TRMT5: variants seen among roughly 807,000 people sequenced by gnomAD.
TRMT5 encodes tRNA methyltransferase 5, also known as tRNA (guanine(37)-N(1))-methyltransferase.
A neutral mutation model predicts 42.2 loss-of-function variants in TRMT5; 31 were observed. That is an observed-to-expected ratio of 0.73 (90% CI 0.55 to 0.99). The LOEUF (loss-of-function observed/expected upper bound fraction) is 0.99. TRMT5 is among the 50% of genes least tolerant of loss of function. TRMT5 has a pLI of 0.00. For synonymous variants in TRMT5, 198 were observed against 209.6 expected (o/e 0.94, Z 0.48); for missense variants, 568 against 595.0 (o/e 0.95, Z 0.47).
Position 60,975,845 on chromosome 14 carries a change from G to T in TRMT5, c.1074C>A (p.Asp358Glu). Residue 358 changes from aspartate (D) to glutamate (E), a missense_variant, in exon 4 of 5, where the codon GAC (aspartate) becomes GAA (glutamate). By Grantham distance (45) the Asp-to-Glu change is conservative. Coordinates refer to ENST00000261249, the MANE Select transcript of TRMT5 (RefSeq NM_020810.3). Reference protein sequence around the residue: ...KVKVFNLDGKDFLQGPVKEEL... With the variant: ...KVKVFNLDGKEFLQGPVKEEL... ...CTTCTTTGACTGGTCCTTGGAGGAA[G>T]TCTTTCCCATCCAAGTTGAAGACTT... The T allele has an allele frequency of 1.9e-6, 3 of 1,614,212 alleles. No individual in the cohort carries two copies. Among genetic ancestry groups the T allele is most frequent in the Non-Finnish European group, 2.5e-6 (3 of 1,180,046 alleles).
chr14:60,981,631 G>T (rs1345603513), upstream of TRMT5: 4 of 1,456,392 alleles, frequency 2.7e-6, no homozygotes, highest in African/African-American at 1.4e-5. Context: ...ATGCAGCGTT[G>T]AGTGGAAGCT....
intron 2 of TRMT5, among the ~76,000 whole-genome samples, chr14:60,978,324 C>T (rs1292486589): frequency 6.6e-6 from 1 of 152,146 alleles, no homozygotes; most frequent in Non-Finnish European, 1.5e-5. Context: ...AATCAGCACA[C>T]AGTACCCAAT....
rs1397926244 is a variant in TRMT5, at chr14:60,974,450, GC to G, written c.*658del. The G allele has an allele frequency of 3.6e-4, 55 of 152,412 alleles. No homozygotes were observed. Among genetic ancestry groups the G allele is most frequent in the African/African-American group, 1.2e-3 (51 of 41,548 alleles). The allele number at this position is 152,412 out of a possible 1,614,324, so 9.4% of individuals were successfully genotyped here. The stretch of plus-strand genomic sequence containing the variant: ...TCCATATTAAAAACAAAAAACAGCT[GC>G]AGATGATATGTAAACAAATGAGCAT... On this transcript the variant is annotated 3_prime_UTR_variant, in exon 5 of 5. Coordinates refer to ENST00000261249, the MANE Select transcript of TRMT5 (RefSeq NM_020810.3).
Position 60,974,380 on chromosome 14 carries a change from C to G in TRMT5, c.*729G>C, listed in dbSNP as rs1200595648. 2 of 152,286 alleles carry G rather than the reference C, an allele frequency of 1.3e-5. No homozygotes were observed. Among genetic ancestry groups the G allele is most frequent in the South Asian group, 4.1e-4 (2 of 4,830 alleles). The allele number at this position is 152,286 out of a possible 1,614,324, so 9.4% of individuals were successfully genotyped here. A position where few individuals can be genotyped will look rare whatever the true frequency, so the allele number is the denominator to read the frequency against. ...AAAACTGGAATGGTACAGAGAAGATCAGAATGGTCCCTGCGCAAGGATGAC... is the reference window on the plus strand; with the variant it reads ...AAAACTGGAATGGTACAGAGAAGATGAGAATGGTCCCTGCGCAAGGATGAC... On this transcript the variant is annotated 3_prime_UTR_variant, in exon 5 of 5. Transcript: ENST00000261249.
Position 60,979,216 on chromosome 14 carries a change from C to G in TRMT5, c.667+15G>C, listed in dbSNP as rs1566591027. On this transcript the variant is annotated intron_variant, in intron 2 of 4. Transcript: ENST00000261249. ...ATTCCCTTCAAATACATGAATATTA[C>G]TATGACACACGTACCAATTAAATGT... The G allele has an allele frequency of 4.5e-6, 7 of 1,555,896 alleles. No individual in the cohort carries two copies. The South Asian group carries it at 6.1e-5, about 14-fold the overall frequency.
rs34009450 is a variant in TRMT5, at chr14:60,976,129, GA to G, written c.793-4del. ...TAGGTGTAGTTGTTTTCTCGAACCT[GA>G]AAAAAGGTGTTATGCTTTTTGGTTA... On this transcript the variant is annotated splice_region_variant and splice_polypyrimidine_tract_variant and intron_variant, in intron 3 of 4. Coordinates refer to ENST00000261249, the MANE Select transcript of TRMT5 (RefSeq NM_020810.3). The G allele has an allele frequency of 3.1e-6, 5 of 1,594,902 alleles. No individual in the cohort carries two copies. In the African/African-American group the frequency reaches 4.1e-5, roughly 13 times the overall value.
rs747688805 is a variant in TRMT5 at position 60,976,123 on chromosome 14, G to A, written c.796C>T (p.Arg266Ter). 37 of 1,596,532 alleles carry A rather than the reference G, an allele frequency of 2.3e-5. No individual in the cohort carries two copies. The highest frequency in any genetic ancestry group is 3.0e-5 in the Non-Finnish European group (35 of 1,172,584). ...SGEQNMMTKV[R>*]ENNYTYEFDF... is the part of the protein sequence containing the mutation. ...AATTCATAGGTGTAGTTGTTTTCTC[G>A]AACCTGAAAAAAGGTGTTATGCTTT... Residue 266 changes from arginine (R) to a stop codon, truncating the protein, a stop_gained, in exon 4 of 5, where the codon CGA (arginine) becomes TGA (stop). Transcript: ENST00000261249. LOFTEE classifies it high-confidence loss of function.
At chr14:60,980,031 T>C in intron 1 of TRMT5, 145 bp from the exon 2 acceptor site, 2 of 955,048 alleles carry the variant, frequency 2.1e-6, no homozygotes, top group Non-Finnish European at 3.0e-6. Context: ...CAGACTAGGA[T>C]GACTTCTTCA....
chr14:60,975,327 T>G (rs976380598), intron 4 of TRMT5, 133 bp from the exon 5 acceptor site: 23 of 1,305,476 alleles, frequency 1.8e-5, no homozygotes, highest in East Asian at 1.4e-4. Flanking sequence ...GATTTACTAT[T>G]TTAATGAAAT....
intron 1 of TRMT5, 69 bp from the exon 2 acceptor site, chr14:60,979,955 CAAAT>C (rs1264463141): frequency 9.0e-6 from 13 of 1,452,456 alleles, no homozygotes; most frequent in East Asian, 7.0e-5. Context: ...TCTACTATCT[CAAAT>C]AACGGGCTAA....
chr14:60,972,492 G>T lies in TRMT5; in HGVS notation c.*2617C>A. ...GGCGGCGGCGGCGGCGGCGGGATGT[G>T]GGCACCGGGTGTGGGACGCAGCAGC... On this transcript the variant is annotated 3_prime_UTR_variant, in exon 5 of 5. Transcript: ENST00000261249. The T allele has an allele frequency of 2.1e-6, 1 of 470,694 alleles. No individual in the cohort carries two copies. Among genetic ancestry groups the T allele is most frequent in the Non-Finnish European group, 4.2e-6 (1 of 237,130 alleles). The allele number at this position is 470,694 out of a possible 1,614,324, so 29.2% of individuals were successfully genotyped here.
upstream of TRMT5, chr14:60,981,446 A>G (rs759179598): frequency 3.9e-6 from 6 of 1,547,424 alleles, no homozygotes; most frequent in African/African-American, 5.5e-5. Context: ...TGCCTGCCAA[A>G]TAAGACCCAG....
At chr14:60,981,407 C>T (rs112283719), upstream of TRMT5, 1 of 1,564,716 alleles carries the variant, frequency 6.4e-7, no homozygotes. Flanking sequence ...TTCGCTTCCC[C>T]GCGCTGACGC....
rs765776520 is a variant in TRMT5, at chr14:60,980,970, C to G, written c.4G>C (p.Val2Leu). The G allele has an allele frequency of 1.9e-6, 3 of 1,612,344 alleles. No homozygotes were observed. The highest frequency in any genetic ancestry group is 2.2e-5 in the South Asian group (2 of 91,080). The change falls in exon 1 of 5, where the codon GTG becomes CTG. Residue 2 changes from valine (V) to leucine (L), a missense_variant. Physicochemically the swap from Val to Leu is conservative, Grantham distance 32. Transcript: ENST00000261249. ...ACGCGGCCGCCACCTCACCAAAGCACCATTCCAATTCCCCACGTCGCTCTG... is the reference window on the plus strand; with the variant it reads ...ACGCGGCCGCCACCTCACCAAAGCAGCATTCCAATTCCCCACGTCGCTCTG... M[V>L]LWILWRPFGF...
At chr14:60,980,737 G>A in intron 1 of TRMT5, 1 of 643,550 alleles carries the variant, frequency 1.6e-6, no homozygotes. Flanking sequence ...CCAGCTGGGT[G>A]ACCCTGGATA....
rs543063170 is a variant in TRMT5 at position 60,975,896 on chromosome 14, T to A, written c.1023A>T (p.Lys341Asn). ...TCACCTTTTGGTCCACTTTATTTAATTTACAGTTGTACAACAGCCATTTAT... is the reference window on the plus strand; with the variant it reads ...TCACCTTTTGGTCCACTTTATTTAAATTACAGTTGTACAACAGCCATTTAT... ...ESHKWLLYNCKLNKVDQKVKV... is the reference protein window; with the variant it reads ...ESHKWLLYNCNLNKVDQKVKV... The change falls in exon 4 of 5, where the codon AAA becomes AAT. Residue 341 changes from lysine (K) to asparagine (N), a missense_variant. Transcript: ENST00000261249. 4.3e-5 allele frequency: 69 copies of A among 1,614,068 alleles called. No individual in the cohort carries two copies. Among genetic ancestry groups the A allele is most frequent in the Non-Finnish European group, 5.6e-5 (66 of 1,180,048 alleles).
At chr14:60,979,206 A>G (rs752559345) in intron 2 of TRMT5, 25 bp downstream of exon 2, 5 of 1,527,794 alleles carry the variant, frequency 3.3e-6, no homozygotes, top group Non-Finnish European at 3.5e-6. Context: ...CTTCAAATAC[A>G]TGAATATTAC....
chr14:60,980,775 C>T (rs903300391), intron 1 of TRMT5, 188 bp downstream of exon 1: 1 of 831,290 alleles, frequency 1.2e-6, no homozygotes, highest in Non-Finnish European at 1.9e-6. Flanking sequence ...GTTTTCCCAC[C>T]AGTAAAATGT....
In TRMT5 at chr14:60,975,882, T is replaced by A; in HGVS notation, c.1037A>T (p.Asp346Val). ...LLYNCKLNKV[D>V]QKVKVFNLDG... Reference sequence around the variant, plus strand: ...CAAGTTGAAGACTTTCACCTTTTGGTCCACTTTATTTAATTTACAGTTGTA... The same window carrying A: ...CAAGTTGAAGACTTTCACCTTTTGGACCACTTTATTTAATTTACAGTTGTA... Residue 346 changes from aspartate (D) to valine (V), a missense_variant, in exon 4 of 5, where the codon GAC (aspartate) becomes GTC (valine). Asp to Val is a radical substitution (Grantham distance 152). Transcript: ENST00000261249. 6.2e-7 allele frequency: 1 copy of A among 1,614,234 alleles called. No individual in the cohort carries two copies. Among genetic ancestry groups the A allele is most frequent in the Non-Finnish European group, 8.5e-7 (1 of 1,180,034 alleles).
Sources: allele counts gnomAD v4.1 joint callset (sites outside exome capture counted in the v4.1 genomes callset), GRCh38; gene constraint gnomAD v4.1.1; transcripts MANE v1.5; gene names NCBI Gene and HGNC (gene_info 2026-07-23, HGNC 2026-07-21).